Variants in GPAM observed in about 807,000 individuals in gnomAD.
The protein encoded by GPAM is glycerol-3-phosphate acyltransferase 1, mitochondrial.
In GPAM, 56 loss-of-function variants were observed where a neutral mutation model predicts 105.0. The observed-to-expected ratio is 0.53, with a 90% CI of 0.43 to 0.67. The LOEUF (loss-of-function observed/expected upper bound fraction) is 0.67. Ranked by LOEUF, GPAM falls within the 30% of genes least tolerant of loss-of-function variation. GPAM has a pLI of 0.00. For synonymous variants in GPAM, 368 were observed against 354.4 expected, an observed-to-expected ratio of 1.04 and a Z score of -0.43; for missense variants, 855 against 989.8, an observed-to-expected ratio of 0.86 and a Z score of 1.83.
intron 9 of GPAM, 131 bp downstream of exon 9, chr10:112,172,051 T>C: frequency 2.9e-6 from 2 of 700,082 alleles, no homozygotes; most frequent in East Asian, 2.7e-5. Context: ...TAACTATGTA[T>C]CACTTTTATA....
intron 15 of GPAM, among the ~76,000 whole-genome samples, chr10:112,161,308 T>C (rs1355927116): frequency 6.6e-6 from 1 of 152,144 alleles, no homozygotes; most frequent in East Asian, 1.9e-4. Flanking sequence ...CTCAGACAAA[T>C]GTATTTTGGG....
rs1334684641 is a variant in GPAM at position 112,154,618 on chromosome 10, T to C, written c.2370+11A>G. ...GAGATAGCTTTTATACCATAAATGG[T>C]GGACACCTACCCCAATATCCTTAAA... On this transcript the variant is annotated intron_variant, in intron 21 of 21. Transcript: ENST00000348367. The C allele has an allele frequency of 1.9e-6, 3 of 1,565,722 alleles. No homozygotes were observed.
At chr10:112,162,976 C>G (rs924157378) in intron 14 of GPAM, among the ~76,000 whole-genome samples, 2 of 152,090 alleles carry the variant, frequency 1.3e-5, no homozygotes, top group African/African-American at 4.8e-5. Context: ...GAAGACCTCC[C>G]CAGTAGCATT....
chr10:112,159,880 G>A (rs781570792), intron 17 of GPAM, 31 bp downstream of exon 17: 7 of 1,609,240 alleles, frequency 4.3e-6, no homozygotes, highest in Non-Finnish European at 6.0e-6. Flanking sequence ...CAAGAAAAGA[G>A]ACCAGGCAAC....
intron 17 of GPAM, among the ~76,000 whole-genome samples, chr10:112,159,030 C>T (rs571952870): frequency 6.6e-5 from 10 of 152,114 alleles, no homozygotes; most frequent in South Asian, 6.2e-4. Flanking sequence ...AAGAAAATAT[C>T]GGAATTCAAA....
upstream of GPAM, among the ~76,000 whole-genome samples, chr10:112,219,223 C>A (rs910601256): frequency 2.0e-5 from 3 of 152,196 alleles, no homozygotes; most frequent in Admixed American, 2.0e-4. Context: ...CAGAGCAGCA[C>A]CAGAAAAGGA....
chr10:112,203,622 T>A (rs1847825188), intron 1 of GPAM, among the ~76,000 whole-genome samples: 2 of 152,340 alleles, frequency 1.3e-5, no homozygotes, highest in African/African-American at 4.8e-5. Context: ...TCATTAGTGT[T>A]TAGAGTTACC....
intron 1 of GPAM, among the ~76,000 whole-genome samples, chr10:112,209,873 T>G (rs1286661213): frequency 6.6e-6 from 1 of 152,220 alleles, no homozygotes; most frequent in Admixed American, 6.5e-5. Flanking sequence ...TCTGGCAGGA[T>G]GCTGAAGCCC....
chr10:112,162,117 A>AT (rs1414587609), intron 14 of GPAM, among the ~76,000 whole-genome samples: 5 of 152,226 alleles, frequency 3.3e-5, no homozygotes, highest in Admixed American at 6.5e-5. Flanking sequence ...ACAGTCTATT[A>AT]TAACTACAAC....
At chr10:112,172,035 A>G (rs1847321130) in intron 9 of GPAM, 147 bp downstream of exon 9, 2 of 642,316 alleles carry the variant, frequency 3.1e-6, no homozygotes, top group South Asian at 3.9e-5. Flanking sequence ...TCCAAATTTT[A>G]CACAATAACT....
In GPAM at chr10:112,164,201, A is replaced by T. The variant is rs1438818975; in HGVS notation, c.1307+324T>A. 3.3e-5 allele frequency among the ~76,000 whole-genome samples: 5 copies of T among 152,252 alleles called. No homozygotes were observed. In the South Asian group the frequency reaches 8.3e-4, roughly 25 times the overall value. Reference sequence around the variant, plus strand: ...AATTTGAATTCCGAAAAATTCAAACAGCAAAATTCTTTCATATGGTTCACT... The same window carrying T: ...AATTTGAATTCCGAAAAATTCAAACTGCAAAATTCTTTCATATGGTTCACT... On this transcript the variant is annotated intron_variant, in intron 13 of 21. Coordinates refer to ENST00000348367, the MANE Select transcript of GPAM (RefSeq NM_001244949.2).
At chr10:112,195,425 G>A (rs117001410) in intron 1 of GPAM, among the ~76,000 whole-genome samples, 3,650 of 152,118 alleles carry the variant, frequency 0.024, 64 homozygotes, top group Non-Finnish European at 0.034. Context: ...ACTTCCCCAC[G>A]AAAGCCAGGC....
chr10:112,215,458 C>T (rs1323541897), upstream of GPAM: 1 of 152,184 alleles, frequency 6.6e-6, no homozygotes, highest in Non-Finnish European at 1.5e-5. Flanking sequence ...GCCTGCTAGG[C>T]TGAGCTTGGC....
chr10:112,193,833 A>T (rs1847692044), intron 1 of GPAM, among the ~76,000 whole-genome samples: 1 of 152,174 alleles, frequency 6.6e-6, no homozygotes, highest in Admixed American at 6.5e-5. Context: ...CGAAGATCTT[A>T]TGCTTGAAAA....
chr10:112,163,306 C>A (rs1459567409), intron 14 of GPAM, among the ~76,000 whole-genome samples: 1 of 152,152 alleles, frequency 6.6e-6, no homozygotes, highest in South Asian at 2.1e-4. Context: ...TACAAGGCCA[C>A]TCATATTTGC....
upstream of GPAM, among the ~76,000 whole-genome samples, chr10:112,187,300 T>A (rs1589602181): frequency 6.6e-6 from 1 of 152,020 alleles, no homozygotes; most frequent in Middle Eastern, 3.4e-3. Flanking sequence ...AAAATGAAGA[T>A]CCAATGATAT....
At chr10:112,200,221 C>A (rs1847779266) in intron 1 of GPAM, among the ~76,000 whole-genome samples, 2 of 117,902 alleles carry the variant, frequency 1.7e-5, no homozygotes, top group African/African-American at 3.8e-5. Context: ...TCAGTCCACA[C>A]TATATGTATA....
At chr10:112,204,775 C>T (rs1233631288) in intron 1 of GPAM, among the ~76,000 whole-genome samples, 1 of 150,092 alleles carries the variant, frequency 6.7e-6, no homozygotes, top group Non-Finnish European at 1.5e-5. Context: ...GATGCCCTCT[C>T]TCACCGCTCC....
chr10:112,216,851 T>C (rs993456427), upstream of GPAM, among the ~76,000 whole-genome samples: 6 of 151,862 alleles, frequency 4.0e-5, no homozygotes, highest in African/African-American at 1.2e-4. Context: ...CTCGAACTTC[T>C]GACCTCAGGT....
Sources: allele counts gnomAD v4.1 joint callset (sites outside exome capture counted in the v4.1 genomes callset), GRCh38; gene constraint gnomAD v4.1.1; transcripts MANE v1.5; gene names NCBI Gene and HGNC (gene_info 2026-07-23, HGNC 2026-07-21).